The following CNTNAP5 variants were observed in gnomAD, a reference collection of about 807,000 sequenced individuals.
CNTNAP5 encodes the protein contactin-associated protein-like 5.
In CNTNAP5, 72 loss-of-function variants were observed where a neutral mutation model predicts 150.2. The observed-to-expected ratio is 0.48, with a 90% CI of 0.40 to 0.58. The LOEUF is 0.58. Ranked by LOEUF, CNTNAP5 falls within the 20% of genes least tolerant of loss-of-function variation. The pLI, the probability that CNTNAP5 is intolerant of heterozygous loss-of-function variation, is 0.00. For synonymous variants in CNTNAP5, 672 were observed against 619.8 expected (o/e 1.08, Z -1.25); for missense variants, 1,636 against 1,626.2 (o/e 1.01, Z -0.10).
intron 13 of CNTNAP5, among the ~76,000 whole-genome samples, chr2:124,713,154 TCCTC>T (rs1233508319): frequency 3.4e-5 from 5 of 148,480 alleles, no homozygotes; most frequent in Non-Finnish European, 3.0e-5. Context: ...CTTCCTTCCT[TCCTC>T]CCTCCCTCCC....
chr2:124,330,712 C>T (rs1382171613), intron 3 of CNTNAP5, among the ~76,000 whole-genome samples: 2 of 151,980 alleles, frequency 1.3e-5, no homozygotes, highest in Non-Finnish European at 2.9e-5. Context: ...TTAGATATTT[C>T]ATCATAGTAG....
intron 12 of CNTNAP5, among the ~76,000 whole-genome samples, chr2:124,627,342 C>G (rs1341931253): frequency 6.6e-6 from 1 of 152,134 alleles, no homozygotes; most frequent in Non-Finnish European, 1.5e-5. Context: ...GACATCAGGT[C>G]AGTGTCCCTC....
intron 7 of CNTNAP5, among the ~76,000 whole-genome samples, chr2:124,502,454 C>T (rs1694299692): frequency 1.3e-5 from 2 of 152,162 alleles, no homozygotes; most frequent in Non-Finnish European, 2.9e-5. Flanking sequence ...AAAGGGGATA[C>T]TTTTGCAACC....
At chr2:124,599,216 T>G (rs570613302) in intron 11 of CNTNAP5, among the ~76,000 whole-genome samples, 1 of 152,232 alleles carries the variant, frequency 6.6e-6, no homozygotes, top group East Asian at 1.9e-4. Flanking sequence ...GATCGTGGTC[T>G]GCAGTATGAG....
chr2:124,036,346 TGTTCACTA>T, intron 1 of CNTNAP5, among the ~76,000 whole-genome samples: 1 of 151,834 alleles, frequency 6.6e-6, no homozygotes, highest in East Asian at 1.9e-4. Flanking sequence ...GAACAGAAAC[TGTTCACTA>T]AGTTTTGGAT....
intron 12 of CNTNAP5, among the ~76,000 whole-genome samples, chr2:124,618,006 T>G (rs1208963721): frequency 6.6e-6 from 1 of 152,118 alleles, no homozygotes; most frequent in African/African-American, 2.4e-5. Context: ...TGCATGTTTT[T>G]AGGAGTCACC....
intron 1 of CNTNAP5, among the ~76,000 whole-genome samples, chr2:124,163,607 C>G (rs762886904): frequency 6.6e-6 from 1 of 152,114 alleles, no homozygotes; most frequent in Non-Finnish European, 1.5e-5. Context: ...ACAAGCAACA[C>G]TGGCTTTGCT....
chr2:124,546,459 T>A lies in CNTNAP5; in HGVS notation c.1650-16758T>A, dbSNP rs1573450246. Among the ~76,000 whole-genome samples, 4 of 152,226 alleles carry A rather than the reference T, an allele frequency of 2.6e-5. No individual in the cohort carries two copies. The East Asian group carries it at 5.8e-4, about 22-fold the overall frequency. The stretch of plus-strand genomic sequence containing the variant: ...AAAGCTATGCACAAGTTTACAAACG[T>A]ATATGACTATGAAGCCCTTGTTTCC... On this transcript the variant is annotated intron_variant, in intron 10 of 23. Transcript: ENST00000682447.
At chr2:124,675,276 C>T (rs1453405481) in intron 13 of CNTNAP5, among the ~76,000 whole-genome samples, 1 of 151,942 alleles carries the variant, frequency 6.6e-6, no homozygotes, top group Non-Finnish European at 1.5e-5. Context: ...ATAATGTTAG[C>T]TCTCTTTTAT....
At chr2:124,724,600 C>G (rs1026462922) in intron 13 of CNTNAP5, among the ~76,000 whole-genome samples, 3 of 152,070 alleles carry the variant, frequency 2.0e-5, no homozygotes, top group African/African-American at 7.2e-5. Flanking sequence ...TTGAGTCCAG[C>G]TTTCTCCCTC....
At chr2:124,610,882 G>A (rs1205943845) in intron 12 of CNTNAP5, among the ~76,000 whole-genome samples, 3 of 151,288 alleles carry the variant, frequency 2.0e-5, no homozygotes, top group Non-Finnish European at 2.9e-5. Flanking sequence ...GCTTGAACCC[G>A]GGAGACGGAG....
chr2:124,592,653 C>A (rs968014583), intron 11 of CNTNAP5, among the ~76,000 whole-genome samples: 4 of 152,110 alleles, frequency 2.6e-5, no homozygotes, highest in African/African-American at 9.6e-5. Flanking sequence ...GGGAAAAGGC[C>A]TTTCCCCTAT....
chr2:124,132,900 T>A (rs989114243), intron 1 of CNTNAP5, among the ~76,000 whole-genome samples: 10 of 152,296 alleles, frequency 6.6e-5, no homozygotes, highest in African/African-American at 2.2e-4. Flanking sequence ...TCTAGCTCAC[T>A]GAACTGCCTA....
At chr2:124,369,302 A>G (rs1474824477) in intron 3 of CNTNAP5, among the ~76,000 whole-genome samples, 6 of 152,198 alleles carry the variant, frequency 3.9e-5, no homozygotes, top group Non-Finnish European at 1.5e-5. Flanking sequence ...GAACTTGGGT[A>G]GCAACCAGGA....
chr2:124,718,016 G>T (rs1312636703), intron 13 of CNTNAP5, among the ~76,000 whole-genome samples: 1 of 152,090 alleles, frequency 6.6e-6, no homozygotes, highest in East Asian at 1.9e-4. Context: ...TCATGTCTAT[G>T]TTACATTAAT....
chr2:124,804,698 C>T (rs1682045467), intron 19 of CNTNAP5, among the ~76,000 whole-genome samples: 1 of 152,096 alleles, frequency 6.6e-6, no homozygotes, highest in Non-Finnish European at 1.5e-5. Context: ...ACCGAGTCAG[C>T]CAGCACTTGT....
intron 2 of CNTNAP5, among the ~76,000 whole-genome samples, chr2:124,241,585 CCT>C (rs1429116822): frequency 3.3e-5 from 5 of 151,070 alleles, no homozygotes; most frequent in Non-Finnish European, 4.4e-5. Context: ...TTTTTGTCAG[CCT>C]CTCTCTCTCT....
chr2:124,865,727 A>C (rs2104720707), intron 20 of CNTNAP5, among the ~76,000 whole-genome samples: 1 of 152,040 alleles, frequency 6.6e-6, no homozygotes, highest in African/African-American at 2.4e-5. Context: ...GGGCAGATCA[A>C]GAGGTCAGGA....
chr2:124,909,157 C>A (rs1678602509), intron 22 of CNTNAP5, among the ~76,000 whole-genome samples: 1 of 152,136 alleles, frequency 6.6e-6, no homozygotes, highest in Non-Finnish European at 1.5e-5. Context: ...TTGCCCAGAG[C>A]AACTTCCAGT....
Sources: gnomAD v4.1 joint callset for allele counts (sites outside exome capture counted in the v4.1 genomes callset) on GRCh38, gnomAD v4.1.1 for gene constraint, MANE v1.5 for transcripts, NCBI Gene and HGNC (gene_info 2026-07-23, HGNC 2026-07-21) for gene names.